The following NEB variants were observed in gnomAD, a reference collection of about 807,000 sequenced individuals.
The protein encoded by NEB is nebulin, also known as nemaline myopathy type 2.
A neutral mutation model predicts 952.2 loss-of-function variants in NEB; 512 were observed. That is an observed-to-expected ratio of 0.54 (90% confidence interval 0.50 to 0.58). NEB has a LOEUF of 0.58. Ranked by LOEUF, NEB falls within the 20% of genes least tolerant of loss-of-function variation. NEB has a pLI of 0.00. For missense variants in NEB, 8,428 were observed against 9,231.1 expected (o/e 0.91, Z 3.56); for synonymous variants, 2,900 against 3,149.8 (o/e 0.92, Z 2.66).
At chr2:151,711,687 T>C (rs576480071) in intron 10 of NEB, among the ~76,000 whole-genome samples, 4 of 152,340 alleles carry the variant, frequency 2.6e-5, no homozygotes, top group Non-Finnish European at 5.9e-5. Flanking sequence ...CCACAAGTGC[T>C]GGCAATAATA....
intron 32 of NEB, 49 bp downstream of exon 32, chr2:151,679,669 CCCA>C: frequency 2.1e-6 from 1 of 470,110 alleles, no homozygotes; most frequent in Non-Finnish European, 4.2e-6. Context: ...AGACCCCAAG[CCCA>C]CCCACCCACA....
intron 60 of NEB, among the ~76,000 whole-genome samples, chr2:151,640,958 G>A (rs1002900053): frequency 4.1e-4 from 62 of 152,048 alleles, no homozygotes; most frequent in Middle Eastern, 3.4e-3. Flanking sequence ...ATTTTTAGAT[G>A]TATAAATTTC....
intron 141 of NEB, 37 bp downstream of exon 141, chr2:151,537,095 C>T (rs749175654): frequency 1.1e-5 from 14 of 1,328,872 alleles, no homozygotes; most frequent in Admixed American, 3.4e-5. Flanking sequence ...AGGTATATGT[C>T]GAATGGATGA....
chr2:151,570,077 TCA>T lies in NEB; in HGVS notation c.17430+2_17430+3del, dbSNP rs1453368766. 4 of 1,601,644 alleles carry T rather than the reference TCA, an allele frequency of 2.5e-6. No individual in the cohort carries two copies. In the South Asian group the frequency reaches 4.5e-5, roughly 18 times the overall value. ...GAGTTCAACCCCAAATGCAGCCCAC[TCA>T]CATCGCTCTGCAGTTCGTAGGCCTT... is the stretch of plus-strand genomic sequence containing the variant. On this transcript the variant is annotated splice_donor_variant and splice_donor_region_variant and intron_variant, in intron 109 of 181. Coordinates refer to ENST00000397345, the MANE Select transcript of NEB (RefSeq NM_001164508.2). LOFTEE classifies it high-confidence loss of function.
rs1028227422 is a variant in NEB at position 151,664,526 on chromosome 2, C to T, written c.5426G>A (p.Arg1809Lys). The change falls in exon 44 of 182, where the codon AGA (arginine) becomes AAA (lysine). Residue 1809 changes from arginine to lysine, a missense_variant. Arg to Lys is a conservative substitution (Grantham distance 26). Transcript: ENST00000397345. The stretch of plus-strand genomic sequence containing the variant: ...ATCACTGGCAATGTCTCTAGAGGCT[C>T]TTGCAGCCTTTATTGCAATGGCATC... ...RPDAIAIKAA[R>K]ASRDIASDYK... 1 of 1,600,338 alleles carries T rather than the reference C, an allele frequency of 6.2e-7. No homozygotes were observed. The highest frequency in any genetic ancestry group is 8.5e-7 in the Non-Finnish European group (1 of 1,174,524).
intron 60 of NEB, among the ~76,000 whole-genome samples, chr2:151,641,385 G>A (rs1046613812): frequency 6.6e-6 from 1 of 152,174 alleles, no homozygotes; most frequent in East Asian, 1.9e-4. Flanking sequence ...AGGTTGGAGT[G>A]CAGTGGTACA....
intron 151 of NEB, 93 bp downstream of exon 151, chr2:151,525,070 T>G: frequency 1.1e-6 from 1 of 947,112 alleles, no homozygotes; most frequent in South Asian, 1.4e-5. Context: ...CACAGAGGAA[T>G]TAGAGTGACC....
chr2:151,486,698 G>A (rs2050731146), intron 181 of NEB: 1 of 152,322 alleles, frequency 6.6e-6, no homozygotes, highest in East Asian at 1.9e-4. Flanking sequence ...CAAGAATGAA[G>A]TACTGACACA....
Position 151,537,159 on chromosome 2 carries a change from A to G in NEB, c.21180T>C (p.Ala7060=). Residue 7060 remains alanine (A), a synonymous_variant, in exon 141 of 182, where the codon GCT becomes GCC. Coordinates refer to ENST00000397345, the MANE Select transcript of NEB (RefSeq NM_001164508.2). The part of the protein sequence containing the change: ...YAYDTPDFTL[A]EKNKTLYSKY... ...TGCTGTAGAGAGTCTTGTTCTTTTCAGCCAGAGTGAAATCAGGGGTATCAT... is the reference window on the plus strand; with the variant it reads ...TGCTGTAGAGAGTCTTGTTCTTTTCGGCCAGAGTGAAATCAGGGGTATCAT... The G allele has an allele frequency of 1.2e-6, 2 of 1,612,854 alleles. No homozygotes were observed. The highest frequency in any genetic ancestry group is 1.7e-6 in the Non-Finnish European group (2 of 1,179,086).
intron 124 of NEB, among the ~76,000 whole-genome samples, chr2:151,556,708 A>T (rs1008332173): frequency 6.6e-6 from 1 of 152,202 alleles, no homozygotes; most frequent in African/African-American, 2.4e-5. Context: ...GCATATTCAT[A>T]AAACAAGTTC....
Position 151,552,662 on chromosome 2 carries a change from G to C in NEB, c.19836+10C>G, listed in dbSNP as rs148814261. The C allele has an allele frequency of 2.6e-4, 410 of 1,597,328 alleles. No homozygotes were observed. The African/African-American group carries it at 4.9e-3, about 19-fold the overall frequency. On this transcript the variant is annotated intron_variant, in intron 128 of 181. Coordinates refer to ENST00000397345, the MANE Select transcript of NEB (RefSeq NM_001164508.2). The stretch of plus-strand genomic sequence containing the variant: ...TTACTGTCCACTTAACTTCCCCAGT[G>C]ATCACTTACGTCACTTAGCTGTTTC...
chr2:151,693,365 C>T (rs2149218282), intron 20 of NEB, among the ~76,000 whole-genome samples: 1 of 152,200 alleles, frequency 6.6e-6, no homozygotes, highest in East Asian at 1.9e-4. Flanking sequence ...ATCATCCTGT[C>T]ACCTAGGAAT....
At chr2:151,546,278 G>A in intron 134 of NEB, 67 bp downstream of exon 134, 1 of 1,267,360 alleles carries the variant, frequency 7.9e-7, no homozygotes, top group Non-Finnish European at 1.1e-6. Flanking sequence ...GCCTAGCCCT[G>A]GAGGCTGGTG....
chr2:151,634,894 G>A (rs930248995), intron 64 of NEB, among the ~76,000 whole-genome samples: 5 of 152,134 alleles, frequency 3.3e-5, no homozygotes, highest in African/African-American at 1.2e-4. Context: ...TATCAACAAT[G>A]TTTTTATTAT....
intron 73 of NEB, 56 bp from the exon 74 acceptor site, chr2:151,618,534 T>TA: frequency 6.6e-7 from 1 of 1,524,464 alleles, no homozygotes. Flanking sequence ...GATTCATAGT[T>TA]ACAAAATGGG....
Position 151,561,245 on chromosome 2 carries a change from T to C in NEB, c.19064A>G (p.Tyr6355Cys), listed in dbSNP as rs968608271. The change falls in exon 122 of 182, where the codon TAT becomes TGT. Residue 6355 changes from tyrosine to cysteine, a missense_variant. Coordinates refer to ENST00000397345, the MANE Select transcript of NEB (RefSeq NM_001164508.2). ...AATGCCACTCTGAACAGCAGTCACATAGAGGGGCGTGTCTGTGACCAGATT... is the reference window on the plus strand; with the variant it reads ...AATGCCACTCTGAACAGCAGTCACACAGAGGGGCGTGTCTGTGACCAGATT... ...NYNLVTDTPL[Y>C]VTAVQSGINA... The C allele has an allele frequency of 1.2e-6, 2 of 1,609,032 alleles. No individual in the cohort carries two copies. The highest frequency in any genetic ancestry group is 1.7e-6 in the Non-Finnish European group (2 of 1,177,398).
At chr2:151,672,777 T>G in intron 36 of NEB, 97 bp from the exon 37 acceptor site, 1 of 1,160,250 alleles carries the variant, frequency 8.6e-7, no homozygotes, top group Non-Finnish European at 1.2e-6. Flanking sequence ...CTTTGTGACT[T>G]TCTCAAGAGT....
intron 161 of NEB, among the ~76,000 whole-genome samples, chr2:151,512,082 G>A (rs562431197): frequency 2.8e-5 from 4 of 143,328 alleles, no homozygotes; most frequent in African/African-American, 1.1e-4. Context: ...CCAGGCTGGA[G>A]TGCAGTGGCG....
chr2:151,622,610 AATT>A (rs2098441478), intron 71 of NEB, among the ~76,000 whole-genome samples: 1 of 151,978 alleles, frequency 6.6e-6, no homozygotes, highest in African/African-American at 2.4e-5. Flanking sequence ...TATTATTTTC[AATT>A]GTTGAACTGA....
Sources: allele counts gnomAD v4.1 joint callset (sites outside exome capture counted in the v4.1 genomes callset), GRCh38; gene constraint gnomAD v4.1.1; transcripts MANE v1.5; gene names NCBI Gene and HGNC (gene_info 2026-07-23, HGNC 2026-07-21).